Variants in TRIO observed in about 807,000 individuals in gnomAD.
TRIO encodes the protein trio Rho guanine nucleotide exchange factor.
TRIO carries 58 observed loss-of-function variants against 351.9 expected under a neutral mutation model. The observed-to-expected ratio is 0.16, with a 90% CI of 0.13 to 0.21. The LOEUF (loss-of-function observed/expected upper bound fraction) is 0.21. TRIO is among the 10% of genes least tolerant of loss of function. The probability of loss-of-function intolerance (pLI) is 1.00; values close to 1 mark genes in which losing one functional copy is unlikely to be tolerated. For synonymous variants in TRIO, 1,758 were observed against 1,595.7 expected (o/e 1.10, Z -2.42); for missense variants, 3,201 against 4,027.8 (o/e 0.79, Z 5.56).
chr5:14,379,577 T>C (rs1482777496), intron 20 of TRIO, among the ~76,000 whole-genome samples: 4 of 152,196 alleles, frequency 2.6e-5, no homozygotes, highest in Non-Finnish European at 5.9e-5. Context: ...TCTCTTAACA[T>C]TTATTAGACA....
chr5:14,429,042 G>A (rs1053013925), intron 34 of TRIO, among the ~76,000 whole-genome samples: 11 of 152,180 alleles, frequency 7.2e-5, no homozygotes, highest in African/African-American at 2.7e-4. Context: ...TTTTAAATTT[G>A]TTCACTCTAG....
chr5:14,316,482 G>C, intron 8 of TRIO, 31 bp from the exon 9 acceptor site: 1 of 1,610,674 alleles, frequency 6.2e-7, no homozygotes, highest in Non-Finnish European at 8.5e-7. Context: ...ACCTCAGATC[G>C]TGAAGAATCA....
intron 1 of TRIO, among the ~76,000 whole-genome samples, chr5:14,263,611 G>T (rs539865335): frequency 2.0e-5 from 3 of 152,152 alleles, no homozygotes; most frequent in Non-Finnish European, 4.4e-5. Context: ...TTGATATGAT[G>T]ATCAAATTGT....
intron 1 of TRIO, among the ~76,000 whole-genome samples, chr5:14,268,539 C>A (rs957734618): frequency 1.3e-5 from 2 of 152,106 alleles, no homozygotes; most frequent in African/African-American, 4.8e-5. Context: ...TTTGCTGTGT[C>A]CTGGCCATGA....
intron 33 of TRIO, among the ~76,000 whole-genome samples, chr5:14,408,264 G>A (rs1579568779): frequency 1.3e-5 from 2 of 152,222 alleles, no homozygotes; most frequent in African/African-American, 4.8e-5. Context: ...ACGGGAGTCA[G>A]TAGATTTAAA....
intron 1 of TRIO, among the ~76,000 whole-genome samples, chr5:14,239,521 G>C (rs1222597495): frequency 5.3e-5 from 8 of 152,094 alleles, no homozygotes; most frequent in Non-Finnish European, 1.2e-4. Context: ...GTATTCACTG[G>C]GCACTCCACT....
intron 1 of TRIO, among the ~76,000 whole-genome samples, chr5:14,176,211 C>T (rs1789392996): frequency 6.6e-6 from 1 of 152,010 alleles, no homozygotes; most frequent in Non-Finnish European, 1.5e-5. Flanking sequence ...GTGGCTCACA[C>T]CTGTAATCCC....
intron 11 of TRIO, among the ~76,000 whole-genome samples, chr5:14,350,021 C>T (rs1363785580): frequency 5.9e-5 from 9 of 152,194 alleles, no homozygotes; most frequent in Non-Finnish European, 1.3e-4. Context: ...ATAACGGCCT[C>T]CAGCTCTGTC....
At chr5:14,270,944 C>A in intron 2 of TRIO, 45 bp downstream of exon 2, 1 of 1,380,400 alleles carries the variant, frequency 7.2e-7, no homozygotes, top group Non-Finnish European at 1.0e-6. Flanking sequence ...TGCTCTGACA[C>A]AATTTCAGAG....
chr5:14,344,549 C>T (rs190592081), intron 11 of TRIO, among the ~76,000 whole-genome samples: 7 of 152,118 alleles, frequency 4.6e-5, no homozygotes, highest in South Asian at 4.2e-4. Context: ...TTAAATTACA[C>T]GTGGAAAGCA....
At chr5:14,242,629 C>T (rs1054347563) in intron 1 of TRIO, among the ~76,000 whole-genome samples, 4 of 152,114 alleles carry the variant, frequency 2.6e-5, no homozygotes, top group East Asian at 3.9e-4. Flanking sequence ...GGCTGGAGTA[C>T]GGTGGCAGGA....
At chr5:14,491,700 C>T (rs114272037) in intron 48 of TRIO, among the ~76,000 whole-genome samples, 1,839 of 152,280 alleles carry the variant, frequency 0.012, 37 homozygotes, top group African/African-American at 0.037. Flanking sequence ...AGTCACTCAC[C>T]ATATGTTGAG....
rs183162874 is a variant in TRIO, at chr5:14,179,555, G to T, written c.157+35673G>T. 7.3e-5 allele frequency among the ~76,000 whole-genome samples: 11 copies of T among 150,868 alleles called. No individual in the cohort carries two copies. The East Asian group carries it at 2.1e-3, about 29-fold the overall frequency. On this transcript the variant is annotated intron_variant, in intron 1 of 56. Coordinates refer to ENST00000344204, the MANE Select transcript of TRIO (RefSeq NM_007118.4). ...GCTCACTGCAGCCTTGAGCTCCGCT[G>T]AAGTGATCCTCCTGCCTCAGCCAGG...
intron 6 of TRIO, among the ~76,000 whole-genome samples, chr5:14,296,324 C>T (rs1253367276): frequency 1.3e-5 from 2 of 152,178 alleles, no homozygotes; most frequent in African/African-American, 2.4e-5. Flanking sequence ...CCGCACCACA[C>T]CACACCCTGC....
rs1751932362 is a variant in TRIO, at chr5:14,440,408, C to T, written c.5203+20387C>T. ...CGACAGTTCCCACGCAGTGGACATT[C>T]TCCTCTGAAGCCATTGTGTGGTGTG... On this transcript the variant is annotated intron_variant, in intron 34 of 56. Transcript: ENST00000344204. Among the ~76,000 whole-genome samples, 2 of 152,334 alleles carry T rather than the reference C, an allele frequency of 1.3e-5. 1 individual carries two copies. The highest frequency in any genetic ancestry group is 4.1e-4 in the South Asian group (2 of 4,830).
intron 24 of TRIO, among the ~76,000 whole-genome samples, chr5:14,388,973 A>G (rs1746807863): frequency 6.6e-6 from 1 of 152,220 alleles, no homozygotes; most frequent in Non-Finnish European, 1.5e-5. Context: ...GCTTCAGAGA[A>G]ATGTGCCTAC....
chr5:14,474,152 C>T, intron 40 of TRIO, 55 bp downstream of exon 40: 2 of 1,540,004 alleles, frequency 1.3e-6, no homozygotes, highest in East Asian at 2.3e-5. Flanking sequence ...ACTTGCTAAA[C>T]CAAGGCAGGC....
intron 40 of TRIO, 82 bp from the exon 41 acceptor site, chr5:14,476,811 AG>A: frequency 2.0e-6 from 2 of 1,021,672 alleles, no homozygotes; most frequent in Non-Finnish European, 2.7e-6. Flanking sequence ...AAAGAAAAAA[AG>A]AAAAAGAAAA....
intron 1 of TRIO, among the ~76,000 whole-genome samples, chr5:14,157,449 C>G (rs569210741): frequency 6.6e-6 from 1 of 150,506 alleles, no homozygotes; most frequent in Admixed American, 6.6e-5. Context: ...CTCCCTCTCT[C>G]TCCCTGTCTC....
Sources: gnomAD v4.1 joint callset for allele counts (sites outside exome capture counted in the v4.1 genomes callset) on GRCh38, gnomAD v4.1.1 for gene constraint, MANE v1.5 for transcripts, NCBI Gene and HGNC (gene_info 2026-07-23, HGNC 2026-07-21) for gene names.